Variants in NBPF19 observed in about 807,000 individuals in gnomAD.
NBPF19 encodes the protein NBPF member 19.
A neutral mutation model predicts 45.9 loss-of-function variants in NBPF19; 30 were observed. The observed-to-expected ratio is 0.65, with a 90% CI of 0.49 to 0.89. The LOEUF is 0.89. Among genes scored for constraint, NBPF19 ranks in the 40% least tolerant of loss-of-function variants. The pLI is 0.00. For missense variants in NBPF19, 495 were observed against 471.8 expected (o/e 1.05, Z -0.46); for synonymous variants, 183 against 181.2 (o/e 1.01, Z -0.08).
rs1223696488 is a variant in NBPF19 at position 149,487,403 on chromosome 1, G to A, written c.1040+20G>A. ...TCCCAGGTGAGTCTGAGAAATTGTG[G>A]ACAGTTAATTTGATGTTGACACCTG... On this transcript the variant is annotated intron_variant, in intron 9 of 93. Transcript: ENST00000651566. 2.4e-4 allele frequency: 327 copies of A among 1,375,088 alleles called. 6 individuals are homozygous for A. The highest frequency in any genetic ancestry group is 1.8e-3 in the African/African-American group (124 of 69,756). The allele number at this position is 1,375,088 out of a possible 1,614,324, so 85.2% of individuals were successfully genotyped here. A position where few individuals can be genotyped will look rare whatever the true frequency, so the allele number is the denominator to read the frequency against.
At chr1:149,487,682 A>C (rs1326012028) in intron 9 of NBPF19, among the ~76,000 whole-genome samples, 3 of 149,828 alleles carry the variant, frequency 2.0e-5, no homozygotes, top group African/African-American at 7.4e-5. Context: ...GCTTTTCATG[A>C]TCACTGTTCA....
intron 93 of NBPF19, 89 bp from the exon 94 acceptor site, chr1:149,554,406 C>A (rs1194516048): frequency 6.2e-7 from 1 of 1,603,890 alleles, no homozygotes; most frequent in Non-Finnish European, 8.5e-7. Flanking sequence ...CTTTTCTAAC[C>A]ACTTCCTTAT....
rs1288072053 is a variant in NBPF19, at chr1:149,487,633, G to A, written c.1040+250G>A. 2.0e-3 allele frequency among the ~76,000 whole-genome samples: 308 copies of A among 150,554 alleles called. 5 individuals carry two copies. In the Middle Eastern group the frequency reaches 0.021, roughly 10 times the overall value. On this transcript the variant is annotated intron_variant, in intron 9 of 93. Transcript: ENST00000651566. ...GCTGTATTCTCATGGTAACTGCAGG[G>A]AAACTTGAGCACATTTTATGCAAAA...
At chr1:149,488,450 A>G (rs2085765610) in intron 10 of NBPF19, among the ~76,000 whole-genome samples, 1 of 134,964 alleles carries the variant, frequency 7.4e-6, no homozygotes, top group Non-Finnish European at 1.6e-5. Flanking sequence ...GGCAGATGTG[A>G]CAAATTCACA....
Position 149,554,972 on chromosome 1 carries a change from A to C in NBPF19, c.*234A>C. 1 of 727,646 alleles carries C rather than the reference A, an allele frequency of 1.4e-6. No individual in the cohort carries two copies. Among genetic ancestry groups the C allele is most frequent in the Non-Finnish European group, 2.2e-6 (1 of 456,922 alleles). 45.1% of individuals were successfully genotyped at this position (727,646 alleles called of 1,614,324 possible). A position where few individuals can be genotyped will look rare whatever the true frequency, so the allele number is the denominator to read the frequency against. ...AACTGTGCAGCACATGCCGGGAGTG[A>C]TCAGTCGGACATTTTAATTTGAACC... On this transcript the variant is annotated 3_prime_UTR_variant, in exon 94 of 94. Transcript: ENST00000651566.
At chr1:149,487,687 T>A (rs2085654121) in intron 9 of NBPF19, among the ~76,000 whole-genome samples, 1 of 150,332 alleles carries the variant, frequency 6.7e-6, no homozygotes, top group Non-Finnish European at 1.5e-5. Flanking sequence ...TCATGATCAC[T>A]GTTCACTGTG....
At chr1:149,554,377 T>G (rs1198380791) in intron 93 of NBPF19, 118 bp from the exon 94 acceptor site, 3 of 1,587,314 alleles carry the variant, frequency 1.9e-6, no homozygotes, top group African/African-American at 1.4e-5. Context: ...TTTACCTCAT[T>G]AATGGATCTA....
chr1:149,554,548 T>C lies in NBPF19; in HGVS notation c.11342T>C (p.Leu3781Pro), dbSNP rs2087196927. The C allele has an allele frequency of 2.5e-6, 4 of 1,608,284 alleles. No individual in the cohort carries two copies. The highest frequency in any genetic ancestry group is 3.4e-6 in the Non-Finnish European group (4 of 1,176,746). The change falls in exon 94 of 94, where the codon CTG (leucine) becomes CCG (proline). Residue 3781 changes from leucine (L) to proline (P), a missense_variant. Coordinates refer to ENST00000651566, the MANE Select transcript of NBPF19 (RefSeq NM_001351365.2). ...GAGCCTGAAGTCTTACAGGACTCAC[T>C]GGATGGATGTTATTCGACTCCGTCA... is the stretch of plus-strand genomic sequence containing the variant. ...VEEPEVLQDS[L>P]DGCYSTPSMY... is the part of the protein sequence containing the mutation.
intron 4 of NBPF19, among the ~76,000 whole-genome samples, chr1:149,479,763 C>T (rs1167912985): frequency 3.3e-4 from 49 of 150,542 alleles, no homozygotes; most frequent in African/African-American, 1.2e-3. Flanking sequence ...CAAGTTTGTC[C>T]TCTCCTAAGA....
chr1:149,479,912 G>A (rs1307028070), intron 4 of NBPF19, among the ~76,000 whole-genome samples: 1 of 150,900 alleles, frequency 6.6e-6, no homozygotes, highest in Non-Finnish European at 1.5e-5. Context: ...GGAAGCAAAA[G>A]GTCTTTTCAA....
intron 51 of NBPF19, 129 bp from the exon 52 acceptor site, chr1:149,521,190 G>C (rs1247797107): frequency 4.6e-5 from 13 of 284,802 alleles, no homozygotes; most frequent in Non-Finnish European, 7.3e-5. Context: ...GCAATAATTT[G>C]TTACCTCATT....
In NBPF19 at chr1:149,554,600, C is replaced by T; in HGVS notation, c.11394C>T (p.Phe3798=). The T allele has an allele frequency of 8.1e-6, 13 of 1,608,286 alleles. No individual in the cohort carries two copies. The highest frequency in any genetic ancestry group is 1.1e-5 in the Non-Finnish European group (13 of 1,176,762). Residue 3798 remains phenylalanine (F), a synonymous_variant, in exon 94 of 94, where the codon TTC becomes TTT. Coordinates refer to ENST00000651566, the MANE Select transcript of NBPF19 (RefSeq NM_001351365.2). ...TGTACTTTGAACTACCTGACTCATT[C>T]CAGCACTACAGAAGTGTGTTTTACT... is the stretch of plus-strand genomic sequence containing the variant. ...PSMYFELPDS[F]QHYRSVFYSF... is the part of the protein sequence containing the mutation.
At position 149,554,934 on chromosome 1, in the gene NBPF19, G is replaced by A; in HGVS notation, c.*196G>A. 1 of 935,054 alleles carries A rather than the reference G, an allele frequency of 1.1e-6. No homozygotes were observed. Among genetic ancestry groups the A allele is most frequent in the Non-Finnish European group, 1.6e-6 (1 of 619,456 alleles). 57.9% of individuals were successfully genotyped at this position (935,054 alleles called of 1,614,324 possible). On this transcript the variant is annotated 3_prime_UTR_variant, in exon 94 of 94. Transcript: ENST00000651566. ...AAGACAATGGACCCACGTTAGGTGTGACACGTTCACATAACTGTGCAGCAC... is the reference window on the plus strand; with the variant it reads ...AAGACAATGGACCCACGTTAGGTGTAACACGTTCACATAACTGTGCAGCAC...
At chr1:149,480,410 C>T (rs1201680097) in intron 5 of NBPF19, among the ~76,000 whole-genome samples, 196 bp downstream of exon 5, 25 of 148,262 alleles carry the variant, frequency 1.7e-4, no homozygotes, top group African/African-American at 5.2e-4. Flanking sequence ...CATGTCTGCA[C>T]CTTACAGGGA....
Position 149,487,405 on chromosome 1 carries a change from C to G in NBPF19, c.1040+22C>G, listed in dbSNP as rs1452063629. ...CCAGGTGAGTCTGAGAAATTGTGGA[C>G]AGTTAATTTGATGTTGACACCTGGA... On this transcript the variant is annotated intron_variant, in intron 9 of 93. Transcript: ENST00000651566. 88 of 1,354,098 alleles carry G rather than the reference C, an allele frequency of 6.5e-5. 1 individual carries two copies. The highest frequency in any genetic ancestry group is 6.8e-5 in the Non-Finnish European group (65 of 957,928). The allele number at this position is 1,354,098 out of a possible 1,614,324, so 83.9% of individuals were successfully genotyped here. A position where few individuals can be genotyped will look rare whatever the true frequency, so the allele number is the denominator to read the frequency against.
chr1:149,487,213 A>G (rs2085582468), intron 8 of NBPF19, 119 bp from the exon 9 acceptor site: 1 of 829,170 alleles, frequency 1.2e-6, no homozygotes, highest in Non-Finnish European at 2.1e-6. Flanking sequence ...TATTTCTCTC[A>G]AAGTCTCCTG....
In NBPF19 at chr1:149,554,660, C is replaced by T; in HGVS notation, c.11454C>T (p.Tyr3818=). 3.7e-6 allele frequency: 6 copies of T among 1,608,288 alleles called. No homozygotes were observed. The highest frequency in any genetic ancestry group is 2.2e-5 in the East Asian group (1 of 44,856). The stretch of plus-strand genomic sequence containing the variant: ...AAGAGCATATCAGCTTCGCCCTTTA[C>T]TTGGACAATAGGTTTTTTACTTTGA... ...FEEEHISFAL[Y]LDNRFFTLTV... Residue 3818 remains tyrosine (Y), a synonymous_variant, in exon 94 of 94, where the codon TAC becomes TAT. Coordinates refer to ENST00000651566, the MANE Select transcript of NBPF19 (RefSeq NM_001351365.2).
At position 149,478,449 on chromosome 1, in the gene NBPF19, T is replaced by C. The variant is rs1369405623; in HGVS notation, c.278+402T>C. On this transcript the variant is annotated intron_variant, in intron 3 of 93. Transcript: ENST00000651566. ...TCAATCAATGTTGCCTTCTTGACCCTGTCCTTCTTTTCTTCTTTCATCTTT... is the reference window on the plus strand; with the variant it reads ...TCAATCAATGTTGCCTTCTTGACCCCGTCCTTCTTTTCTTCTTTCATCTTT... 4.4e-3 allele frequency among the ~76,000 whole-genome samples: 664 copies of C among 151,390 alleles called. 18 individuals are homozygous for C. The highest frequency in any genetic ancestry group is 0.013 in the African/African-American group (521 of 41,248).
At chr1:149,538,416 G>C (rs1417791629) in intron 73 of NBPF19, among the ~76,000 whole-genome samples, 1 of 23,768 alleles carries the variant, frequency 4.2e-5, no homozygotes, top group Non-Finnish European at 1.2e-4. Context: ...AATTCACTGA[G>C]CTCGTTCTCT....
Sources: allele counts gnomAD v4.1 joint callset (sites outside exome capture counted in the v4.1 genomes callset), GRCh38; gene constraint gnomAD v4.1.1; transcripts MANE v1.5; gene names NCBI Gene and HGNC (gene_info 2026-07-23, HGNC 2026-07-21).